The following DNAH2 variants were observed in gnomAD, a reference collection of about 807,000 sequenced individuals.
DNAH2 encodes dynein axonemal heavy chain 2.
DNAH2 carries 323 observed loss-of-function variants against 523.5 expected under a neutral mutation model. The observed-to-expected ratio is 0.62, with a 90% CI of 0.56 to 0.68. The LOEUF is 0.68. Among genes scored for constraint, DNAH2 ranks in the 30% least tolerant of loss-of-function variants. DNAH2 has a pLI of 0.00. For missense variants in DNAH2, 4,907 were observed against 5,701.5 expected (o/e 0.86, Z 4.49); for synonymous variants, 2,093 against 2,177.4 (o/e 0.96, Z 1.08).
At chr17:7,755,698 G>A (rs917183311) in intron 12 of DNAH2, among the ~76,000 whole-genome samples, 2 of 152,134 alleles carry the variant, frequency 1.3e-5, no homozygotes, top group African/African-American at 2.4e-5. Context: ...GCTTCAGGGC[G>A]TGGCATGGGA....
At chr17:7,740,045 A>C in intron 9 of DNAH2, 107 bp downstream of exon 9, 6 of 664,624 alleles carry the variant, frequency 9.0e-6, no homozygotes, top group Non-Finnish European at 1.0e-5. Context: ...GGAAGGACAG[A>C]TCGGGATCAG....
chr17:7,799,839 A>C (rs112685333), intron 56 of DNAH2, among the ~76,000 whole-genome samples: 32 of 152,168 alleles, frequency 2.1e-4, no homozygotes, highest in Admixed American at 7.9e-4. Context: ...ACACACACAC[A>C]CCCAAAATGT....
At chr17:7,830,235 G>A in intron 77 of DNAH2, 65 bp from the exon 78 acceptor site, 7 of 1,539,804 alleles carry the variant, frequency 4.5e-6, no homozygotes, top group Non-Finnish European at 5.3e-6. Flanking sequence ...ACTGTACATG[G>A]CAGTGCTAGT....
chr17:7,739,629 A>G (rs1304854758), intron 8 of DNAH2, 104 bp from the exon 9 acceptor site: 2 of 1,016,656 alleles, frequency 2.0e-6, no homozygotes, highest in Admixed American at 2.7e-5. Flanking sequence ...TTCACTTGCC[A>G]TCACTCACAG....
intron 50 of DNAH2, 62 bp downstream of exon 50, chr17:7,796,714 C>T (rs2077074080): frequency 3.9e-6 from 6 of 1,548,082 alleles, no homozygotes; most frequent in Non-Finnish European, 5.2e-6. Context: ...GCTTTCTCTT[C>T]TCAAACTAAG....
At chr17:7,776,687 C>G in intron 31 of DNAH2, 92 bp from the exon 32 acceptor site, 1 of 968,194 alleles carries the variant, frequency 1.0e-6, no homozygotes, top group Non-Finnish European at 1.6e-6. Flanking sequence ...TTGGGAGAGG[C>G]ACATGGTTCT....
intron 3 of DNAH2, among the ~76,000 whole-genome samples, chr17:7,725,440 A>ATATATATATATTTTTTTTTTT (rs958458949): frequency 7.7e-6 from 1 of 130,506 alleles, no homozygotes; most frequent in African/African-American, 2.8e-5. Context: ...ATATATATAT[A>ATATATATATATTTTTTTTTTT]TTTTCTTTTT....
intron 21 of DNAH2, 98 bp from the exon 22 acceptor site, chr17:7,766,217 TGAG>T: frequency 3.2e-6 from 4 of 1,252,740 alleles, no homozygotes; most frequent in Non-Finnish European, 4.5e-6. Flanking sequence ...CTCTCTCACG[TGAG>T]GAGAGAGGTG....
At chr17:7,739,636 A>T in intron 8 of DNAH2, 97 bp from the exon 9 acceptor site, 3 of 1,108,394 alleles carry the variant, frequency 2.7e-6, no homozygotes, top group South Asian at 2.9e-5. Flanking sequence ...GCCATCACTC[A>T]CAGTGATGTT....
At position 7,832,706 on chromosome 17, in the gene DNAH2, C is replaced by G; in HGVS notation, c.12854C>G (p.Pro4285Arg). The G allele has an allele frequency of 6.2e-7, 1 of 1,614,144 alleles. No homozygotes were observed. Among genetic ancestry groups the G allele is most frequent in the East Asian group, 2.2e-5 (1 of 44,876 alleles). The change falls in exon 83 of 86, where the codon CCC becomes CGC. Residue 4285 changes from proline to arginine, a missense_variant. Physicochemically the swap from Pro to Arg is moderately radical, Grantham distance 103. This residue lies in a region of DNAH2 where 1,851 missense variants were observed against 2,139.4 expected (regional missense o/e 0.87). Coordinates refer to ENST00000572933, the MANE Select transcript of DNAH2 (RefSeq NM_020877.5). The surrounding 1 kb of genome is among the most constrained non-coding windows in gnomAD (Gnocchi z 4.3). ...VIFWLSGFTF[P>R]TGFLTAVLQS... ...TTCTGGTTGTCTGGTTTCACCTTTC[C>G]CACTGGCTTCCTCACTGCTGTGCTG...
chr17:7,772,335 C>T (rs1450772995), intron 28 of DNAH2, among the ~76,000 whole-genome samples: 1 of 152,126 alleles, frequency 6.6e-6, no homozygotes, highest in Non-Finnish European at 1.5e-5. Flanking sequence ...AAAAGATAAA[C>T]ATGAAAAGTT....
chr17:7,786,351 C>T lies in DNAH2; in HGVS notation c.6348+9C>T. 6.2e-7 allele frequency: 1 copy of T among 1,609,320 alleles called. No individual in the cohort carries two copies. The highest frequency in any genetic ancestry group is 8.5e-7 in the Non-Finnish European group (1 of 1,179,366). Reference sequence around the variant, plus strand: ...ACTTCAACATTGTTAGAGTACGGGGCTGGGACAGTGGAGTCAGTGGGCAGA... The same window carrying T: ...ACTTCAACATTGTTAGAGTACGGGGTTGGGACAGTGGAGTCAGTGGGCAGA... On this transcript the variant is annotated intron_variant, in intron 40 of 85. Coordinates refer to ENST00000572933, the MANE Select transcript of DNAH2 (RefSeq NM_020877.5). The surrounding 1 kb of genome is among the most constrained non-coding windows in gnomAD (Gnocchi z 7.5).
At position 7,766,314 on chromosome 17, in the gene DNAH2, A is replaced by G; in HGVS notation, c.3512-4A>G. ...AGCTGAGCTTCATCCTGAATCCTCC[A>G]CAGGCCATTTCACCAGCAACGTGGG... On this transcript the variant is annotated splice_polypyrimidine_tract_variant and splice_region_variant and intron_variant, in intron 21 of 85. Coordinates refer to ENST00000572933, the MANE Select transcript of DNAH2 (RefSeq NM_020877.5). 1 of 1,613,036 alleles carries G rather than the reference A, an allele frequency of 6.2e-7. No individual in the cohort carries two copies.
intron 21 of DNAH2, 23 bp downstream of exon 21, chr17:7,765,588 C>A (rs368876251): frequency 1.3e-6 from 2 of 1,599,296 alleles, no homozygotes; most frequent in Non-Finnish European, 1.7e-6. Flanking sequence ...CCACCTCTCC[C>A]GCTTCTTTAG....
At chr17:7,734,339 AG>A (rs2075079039) in intron 6 of DNAH2, 46 bp downstream of exon 6, 1 of 1,606,092 alleles carries the variant, frequency 6.2e-7, no homozygotes, top group African/African-American at 1.3e-5. Flanking sequence ...CACAGGGGAG[AG>A]GGAAAGGGGA....
rs773728968 is a variant in DNAH2, at chr17:7,778,183, C to T, written c.5351+3C>T. ...GTCATCACCCCCCTGACGGACAGGT[C>T]TGCCATGTGGGATGAATGAGGTGGC... On this transcript the variant is annotated splice_donor_region_variant and intron_variant, in intron 34 of 85. Coordinates refer to ENST00000572933, the MANE Select transcript of DNAH2 (RefSeq NM_020877.5). The T allele has an allele frequency of 1.9e-6, 3 of 1,614,228 alleles. No individual in the cohort carries two copies. Among genetic ancestry groups the T allele is most frequent in the Non-Finnish European group, 2.5e-6 (3 of 1,180,038 alleles).
Position 7,792,809 on chromosome 17 carries a change from T to C in DNAH2, c.7298T>C (p.Leu2433Pro). Reference protein sequence around the residue: ...TSIAQSVLQSLPSSQWSVLVV... With the variant: ...TSIAQSVLQSPPSSQWSVLVV... Reference sequence around the variant, plus strand: ...ATCGCCCAGAGCGTTCTGCAGTCCCTGCCCTCCAGCCAGTGGTCGGTGCTC... The same window carrying C: ...ATCGCCCAGAGCGTTCTGCAGTCCCCGCCCTCCAGCCAGTGGTCGGTGCTC... The change falls in exon 47 of 86, where the codon CTG (leucine) becomes CCG (proline). Residue 2433 changes from leucine (L) to proline (P), a missense_variant. Physicochemically the swap from Leu to Pro is moderately conservative, Grantham distance 98 (BLOSUM62 -3). Coordinates refer to ENST00000572933, the MANE Select transcript of DNAH2 (RefSeq NM_020877.5). 1 of 1,614,196 alleles carries C rather than the reference T, an allele frequency of 6.2e-7. No individual in the cohort carries two copies. The highest frequency in any genetic ancestry group is 8.5e-7 in the Non-Finnish European group (1 of 1,180,016).
At chr17:7,747,241 A>G (rs1302853315) in intron 12 of DNAH2, among the ~76,000 whole-genome samples, 11 of 151,962 alleles carry the variant, frequency 7.2e-5, no homozygotes, top group Admixed American at 2.0e-4. Flanking sequence ...TTGGCCTCCC[A>G]AAGTGCTGGG....
At chr17:7,733,459 G>A in intron 5 of DNAH2, 144 bp downstream of exon 5, 1 of 551,458 alleles carries the variant, frequency 1.8e-6, no homozygotes, top group Non-Finnish European at 3.1e-6. Flanking sequence ...TAGGGTACAA[G>A]ATCCGCCTTC....
Sources: gnomAD v4.1 joint callset for allele counts (sites outside exome capture counted in the v4.1 genomes callset) on GRCh38, gnomAD v4.1.1 for gene constraint, gnomAD v4.1.1 regional missense constraint, Gnocchi (gnomAD v3.1) non-coding constraint, MANE v1.5 for transcripts, NCBI Gene and HGNC (gene_info 2026-07-23, HGNC 2026-07-21) for gene names.